Variants in SMOC2 observed in about 807,000 individuals in gnomAD.
SMOC2 encodes the protein SPARC related modular calcium binding 2.
Under a neutral mutation model 61.4 loss-of-function variants are expected in SMOC2, and 39 were observed. That is an observed-to-expected ratio of 0.64 (90% confidence interval 0.49 to 0.83). The LOEUF (loss-of-function observed/expected upper bound fraction) is 0.83. SMOC2 is among the 40% of genes least tolerant of loss of function. The probability of loss-of-function intolerance (pLI) is 0.00; values close to 1 mark genes in which losing one functional copy is unlikely to be tolerated. For synonymous variants in SMOC2, 247 were observed against 239.9 expected (o/e 1.03, Z -0.27); for missense variants, 556 against 592.9 (o/e 0.94, Z 0.65).
At chr6:168,585,124 A>C (rs1408122375) in intron 7 of SMOC2, among the ~76,000 whole-genome samples, 1 of 152,078 alleles carries the variant, frequency 6.6e-6, no homozygotes, top group Non-Finnish European at 1.5e-5. Flanking sequence ...CACACAGTGA[A>C]TTTTTGTGTT....
At chr6:168,518,370 A>G (rs1338306823) in intron 2 of SMOC2, among the ~76,000 whole-genome samples, 2 of 151,090 alleles carry the variant, frequency 1.3e-5, no homozygotes, top group Admixed American at 6.6e-5. Context: ...ATGTGTGTTC[A>G]TGTGCATTGT....
At chr6:168,450,373 T>C (rs1391890888) in intron 1 of SMOC2, among the ~76,000 whole-genome samples, 1 of 152,076 alleles carries the variant, frequency 6.6e-6, no homozygotes, top group Non-Finnish European at 1.5e-5. Flanking sequence ...AGGCTGAGAG[T>C]TGTGTAATCT....
rs1288082856 is a variant in SMOC2, at chr6:168,667,561, G to A, written c.*1123G>A. On this transcript the variant is annotated 3_prime_UTR_variant, in exon 13 of 13. Coordinates refer to ENST00000356284, the MANE Select transcript of SMOC2 (RefSeq NM_001166412.2). ...GATAGGAGTGGAATGCCCACACAGT[G>A]ACCAACAGAACTGGTCTGCGTGCAT... 1.3e-5 allele frequency: 2 copies of A among 152,226 alleles called. No individual in the cohort carries two copies. Among genetic ancestry groups the A allele is most frequent in the Non-Finnish European group, 2.9e-5 (2 of 68,086 alleles). The allele number at this position is 152,226 out of a possible 1,614,324, so 9.4% of individuals were successfully genotyped here.
intron 1 of SMOC2, among the ~76,000 whole-genome samples, chr6:168,463,766 T>C (rs9364456): frequency 0.29 from 44,030 of 152,008 alleles, 8,316 homozygotes; most frequent in African/African-American, 0.52. Flanking sequence ...GGCCCAGGCG[T>C]GTTGCTCAGG....
intron 1 of SMOC2, among the ~76,000 whole-genome samples, chr6:168,491,232 G>A (rs987168033): frequency 3.9e-5 from 6 of 152,194 alleles, no homozygotes; most frequent in Admixed American, 6.5e-5. Context: ...TGGAGAATTT[G>A]AACTATGAGG....
chr6:168,454,813 T>C (rs1485973861), intron 1 of SMOC2, among the ~76,000 whole-genome samples: 1 of 152,186 alleles, frequency 6.6e-6, no homozygotes, highest in Non-Finnish European at 1.5e-5. Context: ...GTACTGGCCA[T>C]GTGCTGAAGA....
intron 7 of SMOC2, among the ~76,000 whole-genome samples, chr6:168,597,401 C>T (rs1785360684): frequency 6.6e-6 from 1 of 152,170 alleles, no homozygotes; most frequent in African/African-American, 2.4e-5. Context: ...ACAAGCCAGG[C>T]ATCCTTTTAG....
intron 11 of SMOC2, among the ~76,000 whole-genome samples, chr6:168,660,773 G>C (rs1460397482): frequency 6.6e-6 from 1 of 152,248 alleles, no homozygotes; most frequent in Non-Finnish European, 1.5e-5. Context: ...GAGCCGCAGT[G>C]TGGGGCAGGG....
intron 1 of SMOC2, among the ~76,000 whole-genome samples, chr6:168,445,713 C>T (rs1211263142): frequency 1.3e-5 from 2 of 152,102 alleles, no homozygotes; most frequent in Non-Finnish European, 2.9e-5. Flanking sequence ...AGAAGACGGA[C>T]CACGAAGGTG....
At chr6:168,588,245 C>T (rs865908719) in intron 7 of SMOC2, among the ~76,000 whole-genome samples, 39 of 151,688 alleles carry the variant, frequency 2.6e-4, no homozygotes, top group African/African-American at 8.9e-4. Flanking sequence ...TGTCTCGGCC[C>T]CCTGAGTAGC....
At chr6:168,659,776 A>AGGTTGGGT (rs1787451393) in intron 11 of SMOC2, among the ~76,000 whole-genome samples, 2 of 141,330 alleles carry the variant, frequency 1.4e-5, no homozygotes, top group Non-Finnish European at 1.5e-5. Flanking sequence ...GTGAGGTTGT[A>AGGTTGGGT]GATTATAGGC....
intron 9 of SMOC2, among the ~76,000 whole-genome samples, chr6:168,635,551 T>G (rs907503047): frequency 1.3e-5 from 2 of 152,154 alleles, no homozygotes; most frequent in Non-Finnish European, 2.9e-5. Flanking sequence ...AAAGGTCGCT[T>G]TGAAAGCATA....
chr6:168,525,267 C>T (rs1783426851), intron 2 of SMOC2, among the ~76,000 whole-genome samples: 1 of 152,194 alleles, frequency 6.6e-6, no homozygotes, highest in African/African-American at 2.4e-5. Flanking sequence ...TGGTGGGAGG[C>T]TGTTCTTAGG....
chr6:168,488,371 C>G lies in SMOC2; in HGVS notation c.85-21544C>G, dbSNP rs1245943019. Among the ~76,000 whole-genome samples the G allele has an allele frequency of 2.0e-5, 3 of 152,330 alleles. No homozygotes were observed. The East Asian group carries it at 5.8e-4, about 29-fold the overall frequency. ...TGAGGGTGCTAGTTGCATGAGTTTG[C>G]TGGACTGCTGTAACAACATACCCAG... On this transcript the variant is annotated intron_variant, in intron 1 of 12. Coordinates refer to ENST00000356284, the MANE Select transcript of SMOC2 (RefSeq NM_001166412.2).
chr6:168,515,626 T>A (rs5026838), intron 2 of SMOC2, among the ~76,000 whole-genome samples: 74 of 4,592 alleles, frequency 0.016, no homozygotes, highest in Non-Finnish European at 0.033. Flanking sequence ...GGCTCCTTCC[T>A]AGGCCTCGCC....
intron 7 of SMOC2, among the ~76,000 whole-genome samples, chr6:168,585,217 C>T (rs1785021905): frequency 1.3e-5 from 2 of 152,164 alleles, no homozygotes; most frequent in African/African-American, 4.8e-5. Flanking sequence ...CCTTGACCTC[C>T]CAAAGGGCTG....
intron 7 of SMOC2, among the ~76,000 whole-genome samples, chr6:168,574,837 T>G (rs1784758811): frequency 6.6e-6 from 1 of 152,104 alleles, no homozygotes; most frequent in African/African-American, 2.4e-5. Flanking sequence ...AAGCACCACT[T>G]AGGCACAGAG....
At chr6:168,484,422 GT>G (rs971888567) in intron 1 of SMOC2, among the ~76,000 whole-genome samples, 4 of 152,130 alleles carry the variant, frequency 2.6e-5, no homozygotes, top group Non-Finnish European at 4.4e-5. Context: ...AATAGCTACT[GT>G]TTTAAAAACA....
At chr6:168,450,483 G>T (rs1324821347) in intron 1 of SMOC2, among the ~76,000 whole-genome samples, 1 of 152,196 alleles carries the variant, frequency 6.6e-6, no homozygotes, top group African/African-American at 2.4e-5. Flanking sequence ...GTTGTCAGCA[G>T]ATGGGTCCCC....
Sources: gnomAD v4.1 joint callset for allele counts (sites outside exome capture counted in the v4.1 genomes callset) on GRCh38, gnomAD v4.1.1 for gene constraint, MANE v1.5 for transcripts, NCBI Gene and HGNC (gene_info 2026-07-23, HGNC 2026-07-21) for gene names.